The following CD99 variants were observed in gnomAD, a reference collection of about 807,000 sequenced individuals.
The protein encoded by CD99 is CD99 antigen.
CD99 carries 19 observed loss-of-function variants against 28.4 expected under a neutral mutation model. That is an observed-to-expected ratio of 0.67 (90% CI 0.47 to 0.98). The LOEUF is 0.98. Ranked by LOEUF, CD99 falls within the 50% of genes least tolerant of loss-of-function variation. The pLI, the probability that CD99 is intolerant of heterozygous loss-of-function variation, is 0.00. For synonymous variants in CD99, 103 were observed against 92.1 expected (o/e 1.12, Z -0.67); for missense variants, 283 against 248.8 (o/e 1.14, Z -0.92).
chrX:2,724,702 C>G (rs1307031940), intron 7 of CD99, among the ~76,000 whole-genome samples: 1 of 151,700 alleles, frequency 6.6e-6, no homozygotes, highest in Non-Finnish European at 1.5e-5. Flanking sequence ...GTCAGGAGTT[C>G]GAGACCAGCC....
Position 2,691,455 on chromosome X carries a change from GGGACGCGGA to G in CD99, c.67+31_67+39del, listed in dbSNP as rs756147032. 91 of 1,569,376 alleles carry G rather than the reference GGGACGCGGA, an allele frequency of 5.8e-5. No homozygotes were observed. In the East Asian group the frequency reaches 2.0e-3, roughly 34 times the overall value. On this transcript the variant is annotated intron_variant, in intron 1 of 9. Coordinates refer to ENST00000381192, the MANE Select transcript of CD99 (RefSeq NM_002414.5). ...GAGCGAGCGGAGGGATCCGGGTTGGGGGACGCGGAGGGCGCGGGCCGGGACTGGGGATCC... is the reference window on the plus strand; with the variant it reads ...GAGCGAGCGGAGGGATCCGGGTTGGGGGGCGCGGGCCGGGACTGGGGATCC...
Position 2,691,477 on chromosome X carries a change from G to C in CD99, c.67+50G>C, listed in dbSNP as rs758017869. ...TGGGGGACGCGGAGGGCGCGGGCCGGGACTGGGGATCCGCTTGAGATGCGG... is the reference window on the plus strand; with the variant it reads ...TGGGGGACGCGGAGGGCGCGGGCCGCGACTGGGGATCCGCTTGAGATGCGG... On this transcript the variant is annotated intron_variant, in intron 1 of 9. Coordinates refer to ENST00000381192, the MANE Select transcript of CD99 (RefSeq NM_002414.5). 1.5e-4 allele frequency: 232 copies of C among 1,541,530 alleles called. 1 individual carries two copies. In the Middle Eastern group the frequency reaches 2.7e-3, roughly 18 times the overall value.
At chrX:2,727,331 C>T (rs777443945) in intron 8 of CD99, 26 of 779,160 alleles carry the variant, frequency 3.3e-5, no homozygotes, top group South Asian at 2.7e-4. Flanking sequence ...TATTGGGATC[C>T]GCCGTGAAGC....
chrX:2,737,126 C>G (rs1334208395), intron 8 of CD99, among the ~76,000 whole-genome samples: 6 of 151,894 alleles, frequency 4.0e-5, no homozygotes, highest in Non-Finnish European at 7.4e-5. Context: ...GTCCCCTTTC[C>G]CTAGGTACTG....
intron 1 of CD99, among the ~76,000 whole-genome samples, chrX:2,709,655 TAC>T (rs1404786923): frequency 6.6e-6 from 1 of 152,138 alleles, no homozygotes; most frequent in East Asian, 1.9e-4. Flanking sequence ...GTATATGAAA[TAC>T]ACATGTACAC....
intron 1 of CD99, chrX:2,691,629 C>T: frequency 1.4e-6 from 1 of 718,900 alleles, no homozygotes; most frequent in Admixed American, 2.0e-5. Context: ...GGAGCCGTTC[C>T]AGAGAGAAAA....
At chrX:2,707,327 C>G (rs1048108194) in intron 1 of CD99, among the ~76,000 whole-genome samples, 1 of 75,492 alleles carries the variant, frequency 1.3e-5, no homozygotes, top group African/African-American at 4.7e-5. Flanking sequence ...AAAACTCTGC[C>G]TCAAAAGAAA....
chrX:2,727,634 G>A (rs1442892920), intron 8 of CD99, among the ~76,000 whole-genome samples: 1 of 151,948 alleles, frequency 6.6e-6, no homozygotes, highest in Non-Finnish European at 1.5e-5. Flanking sequence ...CCGCCACCAC[G>A]CCCGGCTAAT....
intron 5 of CD99, among the ~76,000 whole-genome samples, chrX:2,721,928 C>T (rs903751323): frequency 2.6e-4 from 40 of 152,082 alleles, no homozygotes; most frequent in African/African-American, 8.7e-4. Flanking sequence ...TTTAGATCAA[C>T]GTATATGAGT....
At chrX:2,740,511 G>A (rs1451358493) in intron 9 of CD99, among the ~76,000 whole-genome samples, 2 of 152,088 alleles carry the variant, frequency 1.3e-5, no homozygotes, top group Non-Finnish European at 2.9e-5. Context: ...GCATTTGTTA[G>A]TGTCTCTGTG....
chrX:2,722,053 T>C (rs1330928120), intron 5 of CD99, among the ~76,000 whole-genome samples: 3 of 152,086 alleles, frequency 2.0e-5, no homozygotes, highest in African/African-American at 7.2e-5. Context: ...ATATTAGTTA[T>C]CACCTAGGAA....
chrX:2,741,024 C>T lies in CD99; in HGVS notation c.*220C>T. Reference sequence around the variant, plus strand: ...AAAGGGGGATAGGCACTTGGACCCCCATTCTCCAAGGCCCGGGGGGGCGGT... The same window carrying T: ...AAAGGGGGATAGGCACTTGGACCCCTATTCTCCAAGGCCCGGGGGGGCGGT... On this transcript the variant is annotated 3_prime_UTR_variant, in exon 10 of 10. Transcript: ENST00000381192. 1 of 603,782 alleles carries T rather than the reference C, an allele frequency of 1.7e-6. No individual in the cohort carries two copies. Among genetic ancestry groups the T allele is most frequent in the Non-Finnish European group, 3.0e-6 (1 of 336,480 alleles). The allele number at this position is 603,782 out of a possible 1,614,324, so 37.4% of individuals were successfully genotyped here.
At chrX:2,732,995 T>A (rs767723223) in intron 8 of CD99, among the ~76,000 whole-genome samples, 1 of 141,170 alleles carries the variant, frequency 7.1e-6, no homozygotes, top group Admixed American at 7.2e-5. Flanking sequence ...CACTTCTTCC[T>A]CCCTCCCTTC....
At chrX:2,735,211 GGT>G (rs964376146) in intron 8 of CD99, among the ~76,000 whole-genome samples, 1 of 151,920 alleles carries the variant, frequency 6.6e-6, no homozygotes, top group East Asian at 1.9e-4. Context: ...CCAAGCACAC[GGT>G]GTGTGTGTGT....
intron 5 of CD99, 77 bp from the exon 6 acceptor site, chrX:2,722,550 T>G (rs2049044370): frequency 7.5e-7 from 1 of 1,338,814 alleles, no homozygotes; most frequent in Middle Eastern, 1.8e-4. Flanking sequence ...TTTTCATGAG[T>G]TTTTCCTTTA....
intron 7 of CD99, among the ~76,000 whole-genome samples, chrX:2,724,438 G>T (rs962484416): frequency 6.6e-6 from 1 of 150,712 alleles, no homozygotes; most frequent in African/African-American, 2.4e-5. Flanking sequence ...TCTGGAGAAG[G>T]GTCCTCTGAA....
intron 8 of CD99, among the ~76,000 whole-genome samples, chrX:2,734,804 TC>T (rs1255884578): frequency 6.6e-6 from 1 of 151,874 alleles, no homozygotes; most frequent in Admixed American, 6.6e-5. Flanking sequence ...CCTTTTTTTT[TC>T]ATATTCCTTT....
intron 9 of CD99, among the ~76,000 whole-genome samples, chrX:2,740,256 ATG>A (rs1047617572): frequency 6.6e-6 from 1 of 152,200 alleles, no homozygotes; most frequent in Non-Finnish European, 1.5e-5. Flanking sequence ...ACATTGGTAT[ATG>A]TGTGTGGAGC....
chrX:2,736,627 G>A (rs2049953907), intron 8 of CD99, among the ~76,000 whole-genome samples: 1 of 152,056 alleles, frequency 6.6e-6, no homozygotes, highest in Non-Finnish European at 1.5e-5. Flanking sequence ...AGAGGCCGAG[G>A]TGGGCGGATC....
Sources: allele counts gnomAD v4.1 joint callset (sites outside exome capture counted in the v4.1 genomes callset), GRCh38; gene constraint gnomAD v4.1.1; transcripts MANE v1.5; gene names NCBI Gene and HGNC (gene_info 2026-07-23, HGNC 2026-07-21).